The following CNTN6 variants were observed in gnomAD, a reference collection of about 807,000 sequenced individuals.
The protein encoded by CNTN6 is contactin-6.
Under a neutral mutation model 122.8 loss-of-function variants are expected in CNTN6, and 137 were observed. The observed-to-expected ratio is 1.12, with a 90% CI of 0.97 to 1.29. CNTN6 has a LOEUF of 1.29. CNTN6 is among the 50% of genes most tolerant of loss of function. CNTN6 has a pLI of 0.00. For synonymous variants in CNTN6, 570 were observed against 426.0 expected (o/e 1.34, Z -4.16); for missense variants, 1,634 against 1,223.4 (o/e 1.34, Z -5.01).
chr3:1,373,734 T>G lies in CNTN6; in HGVS notation c.1917T>G (p.Phe639Leu). 1 of 1,609,934 alleles carries G rather than the reference T, an allele frequency of 6.2e-7. No individual in the cohort carries two copies. Among genetic ancestry groups the G allele is most frequent in the Non-Finnish European group, 8.5e-7 (1 of 1,177,834 alleles). The change falls in exon 15 of 23, where the codon TTT becomes TTG. Residue 639 changes from phenylalanine (F) to leucine (L), a missense_variant. Physicochemically the swap from Phe to Leu is conservative, Grantham distance 22. Coordinates refer to ENST00000446702, the MANE Select transcript of CNTN6 (RefSeq NM_001289080.2). ...TTACTATTCAGACTCGGACACCATT[T>G]TCTGTGGGTTGGCAGGCTGTTGCTA... ...QIFTIQTRTP[F>L]SVGWQAVATV...
At chr3:1,257,488 C>G (rs183406224) in intron 4 of CNTN6, among the ~76,000 whole-genome samples, 2 of 152,148 alleles carry the variant, frequency 1.3e-5, no homozygotes, top group African/African-American at 2.4e-5. Flanking sequence ...TCGAGGCCTT[C>G]GATTCACCTT....
At chr3:1,287,575 T>C (rs1322969629) in intron 5 of CNTN6, among the ~76,000 whole-genome samples, 1 of 152,114 alleles carries the variant, frequency 6.6e-6, no homozygotes, top group African/African-American at 2.4e-5. Flanking sequence ...GGCTATGAGA[T>C]AAGAGTCGGT....
At chr3:1,285,537 T>G (rs933679585) in intron 5 of CNTN6, among the ~76,000 whole-genome samples, 1 of 152,182 alleles carries the variant, frequency 6.6e-6, no homozygotes, top group Admixed American at 6.5e-5. Flanking sequence ...GATAAGATAA[T>G]GAATACTTAC....
intron 7 of CNTN6, among the ~76,000 whole-genome samples, chr3:1,302,002 T>C (rs1697511903): frequency 2.0e-5 from 3 of 152,166 alleles, no homozygotes; most frequent in Admixed American, 1.3e-4. Context: ...AAATGCCATA[T>C]TGTCTTCTAA....
rs201265192 is a variant in CNTN6, at chr3:1,131,040, G to T, written c.-82-16887G>T. Among the ~76,000 whole-genome samples the T allele has an allele frequency of 3.9e-5, 6 of 152,114 alleles. No individual in the cohort carries two copies. In the East Asian group the frequency reaches 5.8e-4, roughly 15 times the overall value. ...TTCTCACAGCTATCAGGTTGTTCCA[G>T]CGAAATAACAGGCAGACCCTGGAGA... On this transcript the variant is annotated intron_variant, in intron 1 of 22. Transcript: ENST00000446702.
chr3:1,224,893 G>T (rs2094259296), intron 3 of CNTN6, among the ~76,000 whole-genome samples: 1 of 152,102 alleles, frequency 6.6e-6, no homozygotes, highest in Non-Finnish European at 1.5e-5. Context: ...TTACAGGCGT[G>T]TGCCACTATG....
intron 7 of CNTN6, among the ~76,000 whole-genome samples, chr3:1,301,065 C>G (rs956327489): frequency 1.5e-4 from 16 of 109,244 alleles, no homozygotes; most frequent in African/African-American, 5.8e-4. Context: ...GAGACGGAGT[C>G]TAACTCTGTC....
intron 4 of CNTN6, among the ~76,000 whole-genome samples, chr3:1,250,957 A>G (rs534914755): frequency 6.6e-6 from 1 of 152,122 alleles, no homozygotes; most frequent in Non-Finnish European, 1.5e-5. Flanking sequence ...TTCCTTTGCC[A>G]TTAAAATCAT....
intron 7 of CNTN6, among the ~76,000 whole-genome samples, chr3:1,305,586 C>G (rs1035614895): frequency 6.6e-6 from 1 of 152,118 alleles, no homozygotes. Flanking sequence ...AAAATATGGG[C>G]TCTTGCTGAG....
chr3:1,310,854 A>C (rs1575648937), intron 7 of CNTN6, among the ~76,000 whole-genome samples: 1 of 152,120 alleles, frequency 6.6e-6, no homozygotes, highest in East Asian at 1.9e-4. Flanking sequence ...ATACAAAATC[A>C]GCTGGGTGTG....
intron 7 of CNTN6, among the ~76,000 whole-genome samples, chr3:1,308,929 C>A (rs537630013): frequency 2.0e-5 from 3 of 152,178 alleles, no homozygotes; most frequent in South Asian, 4.1e-4. Flanking sequence ...ATCTATTTAT[C>A]TTCTTTAGTA....
At chr3:1,257,077 T>C (rs1280731887) in intron 4 of CNTN6, among the ~76,000 whole-genome samples, 2 of 152,158 alleles carry the variant, frequency 1.3e-5, no homozygotes, top group Non-Finnish European at 2.9e-5. Flanking sequence ...AGCAATCTGA[T>C]GGGTGACAAA....
chr3:1,246,898 G>C (rs1175274385), intron 4 of CNTN6, among the ~76,000 whole-genome samples: 2 of 152,032 alleles, frequency 1.3e-5, no homozygotes, highest in Non-Finnish European at 2.9e-5. Flanking sequence ...GTTTTCATTA[G>C]TGATTGATTC....
chr3:1,271,697 A>G (rs143420154), intron 4 of CNTN6, among the ~76,000 whole-genome samples: 310 of 152,306 alleles, frequency 2.0e-3, no homozygotes, highest in Middle Eastern at 3.4e-3. Context: ...CCACTTCTAG[A>G]AACTACAAAT....
At chr3:1,133,034 G>C (rs909787514) in intron 1 of CNTN6, among the ~76,000 whole-genome samples, 5 of 152,024 alleles carry the variant, frequency 3.3e-5, no homozygotes, top group African/African-American at 1.2e-4. Context: ...ATATAAGTTA[G>C]TGCATCATGT....
chr3:1,304,294 TCCA>T (rs780651756), intron 7 of CNTN6, among the ~76,000 whole-genome samples: 1 of 151,378 alleles, frequency 6.6e-6, no homozygotes, highest in Non-Finnish European at 1.5e-5. Context: ...GTTTTTTTTT[TCCA>T]TATATTTGTC....
At chr3:1,164,709 C>T (rs1258548747) in intron 2 of CNTN6, among the ~76,000 whole-genome samples, 1 of 152,212 alleles carries the variant, frequency 6.6e-6, no homozygotes, top group Admixed American at 6.5e-5. Context: ...GTCTCTTCCT[C>T]TGTATTGTGA....
chr3:1,137,575 T>C (rs2092509766), intron 1 of CNTN6, among the ~76,000 whole-genome samples: 2 of 152,152 alleles, frequency 1.3e-5, no homozygotes, highest in South Asian at 4.1e-4. Context: ...TATAATATAC[T>C]AGAAAAGGTG....
intron 4 of CNTN6, among the ~76,000 whole-genome samples, chr3:1,246,637 G>A (rs1194051549): frequency 6.6e-6 from 1 of 151,992 alleles, no homozygotes; most frequent in African/African-American, 2.4e-5. Flanking sequence ...TTATTAATTT[G>A]TACTCTTTCC....
Sources: gnomAD v4.1 joint callset for allele counts (sites outside exome capture counted in the v4.1 genomes callset) on GRCh38, gnomAD v4.1.1 for gene constraint, MANE v1.5 for transcripts, NCBI Gene and HGNC (gene_info 2026-07-23, HGNC 2026-07-21) for gene names.